The following BRCA1 variants were observed in gnomAD, a reference collection of about 807,000 sequenced individuals.
BRCA1 encodes BRCA1 DNA repair associated.
BRCA1 carries 140 observed loss-of-function variants against 173.7 expected under a neutral mutation model. The observed-to-expected ratio is 0.81, with a 90% CI of 0.70 to 0.93. The LOEUF is 0.93. Ranked by LOEUF, BRCA1 falls within the 40% of genes least tolerant of loss-of-function variation. BRCA1 has a pLI of 0.00. For synonymous variants in BRCA1, 662 were observed against 756.0 expected, an observed-to-expected ratio of 0.88 and a Z score of 2.04; for missense variants, 1,983 against 2,172.5, an observed-to-expected ratio of 0.91 and a Z score of 1.73.
At chr17:43,168,459 G>T (rs767548141) in intron 1 of BRCA1, among the ~76,000 whole-genome samples, 27 of 152,164 alleles carry the variant, frequency 1.8e-4, no homozygotes, top group Non-Finnish European at 3.7e-4. Flanking sequence ...CCAATACGGA[G>T]AAACCTCGTT....
intron 4 of BRCA1, among the ~76,000 whole-genome samples, chr17:43,105,381 G>A (rs1463521450): frequency 6.6e-6 from 1 of 152,014 alleles, no homozygotes; most frequent in Non-Finnish European, 1.5e-5. Flanking sequence ...CTAGGACTAT[G>A]GGCATATGCC....
At chr17:43,061,585 C>CTT (rs869125411) in intron 18 of BRCA1, among the ~76,000 whole-genome samples, 16 of 142,586 alleles carry the variant, frequency 1.1e-4, no homozygotes, top group Non-Finnish European at 1.8e-4. Flanking sequence ...TATAAAATTA[C>CTT]TTTTTTTTTT....
chr17:43,135,490 T>A (rs969970648), intron 1 of BRCA1, among the ~76,000 whole-genome samples: 1 of 152,190 alleles, frequency 6.6e-6, no homozygotes, highest in African/African-American at 2.4e-5. Context: ...ATAAGGAGCT[T>A]ATTGAGCTAT....
At chr17:43,118,376 T>C (rs2055391852) in intron 2 of BRCA1, among the ~76,000 whole-genome samples, 1 of 152,102 alleles carries the variant, frequency 6.6e-6, no homozygotes, top group African/African-American at 2.4e-5. Context: ...CTGGTCTTTT[T>C]AATTTTCTTT....
intron 22 of BRCA1, among the ~76,000 whole-genome samples, chr17:43,046,222 CTTTTTTTTTTTTTTTT>C: frequency 1.5e-5 from 1 of 68,348 alleles, no homozygotes; most frequent in African/African-American, 7.4e-5. Flanking sequence ...TGCACCTGGC[CTTTTTTTTTTTTTTTT>C]TTTTTTTTTG....
At position 43,146,726 on chromosome 17, in the gene BRCA1, C is replaced by A. The variant is rs558932775; in HGVS notation, c.-19-22611G>T. ...GAAAAATAAGTAATTTTACAGGAGG[C>A]CTGAGGTGGGCTAGGGTCACTCTGT... On this transcript the variant is annotated intron_variant, in intron 1 of 7. Coordinates refer to the BRCA1 transcript ENST00000634433. Among the ~76,000 whole-genome samples, 12 of 152,200 alleles carry A rather than the reference C, an allele frequency of 7.9e-5. No individual in the cohort carries two copies. The East Asian group carries it at 2.3e-3, about 29-fold the overall frequency.
At chr17:43,136,916 C>T (rs1369766047) in intron 1 of BRCA1, among the ~76,000 whole-genome samples, 8 of 152,082 alleles carry the variant, frequency 5.3e-5, no homozygotes, top group Non-Finnish European at 1.0e-4. Context: ...TTTGACCCAG[C>T]GATCCCATTA....
At chr17:43,064,634 T>C (rs548929885) in intron 16 of BRCA1, among the ~76,000 whole-genome samples, 1 of 152,254 alleles carries the variant, frequency 6.6e-6, no homozygotes, top group African/African-American at 2.4e-5. Context: ...CAGCAGGCTA[T>C]CTGCAAGCAG....
At chr17:43,109,260 G>C (rs550721308) in intron 3 of BRCA1, among the ~76,000 whole-genome samples, 97 of 152,218 alleles carry the variant, frequency 6.4e-4, no homozygotes, top group African/African-American at 2.2e-3. Flanking sequence ...GCATCCCAAC[G>C]TGCTGGGATT....
At chr17:43,049,765 G>A (rs1328118846) in intron 20 of BRCA1, among the ~76,000 whole-genome samples, 1 of 152,218 alleles carries the variant, frequency 6.6e-6, no homozygotes, top group Non-Finnish European at 1.5e-5. Context: ...AGAAGAGACT[G>A]TGGAGATGCT....
rs1555580935 is a variant in BRCA1, at chr17:43,071,123, G to A, written c.4791C>T (p.Thr1597=). 6.2e-7 allele frequency: 1 copy of A among 1,614,212 alleles called. No homozygotes were observed. The highest frequency in any genetic ancestry group is 1.1e-5 in the South Asian group (1 of 91,086). The change falls in exon 15 of 23, where the codon ACC becomes ACT. Residue 1597 remains threonine (T), a synonymous_variant. Transcript: ENST00000357654. ...SARVGNIPSS[T]SALKVPQLKV... ...TCAATTGGGGAACTTTCAATGCAGA[G>A]GTTGAAGATGGTATGTTGCCAACAC...
At chr17:43,080,634 G>A (rs1159642784) in intron 12 of BRCA1, among the ~76,000 whole-genome samples, 2 of 151,904 alleles carry the variant, frequency 1.3e-5, no homozygotes, top group Admixed American at 6.6e-5. Flanking sequence ...GGGAGACCTT[G>A]TCTCTACAAA....
At chr17:43,051,569 C>T (rs1336744182) in intron 19 of BRCA1, among the ~76,000 whole-genome samples, 6 of 151,872 alleles carry the variant, frequency 4.0e-5, no homozygotes, top group Non-Finnish European at 7.4e-5. Context: ...ACCTCAAGTA[C>T]TCACTATGAC....
intron 6 of BRCA1, among the ~76,000 whole-genome samples, chr17:43,103,265 G>C (rs913552844): frequency 6.6e-6 from 1 of 151,890 alleles, no homozygotes; most frequent in Non-Finnish European, 1.5e-5. Context: ...TCAGGAGTTC[G>C]AGACCAGCCT....
intron 1 of BRCA1, among the ~76,000 whole-genome samples, chr17:43,151,305 G>C (rs955473435): frequency 6.6e-6 from 1 of 152,182 alleles, no homozygotes; most frequent in African/African-American, 2.4e-5. Flanking sequence ...TATATGAAGT[G>C]TGGTGGCTCA....
At chr17:43,127,107 C>T (rs565423930), upstream of BRCA1, among the ~76,000 whole-genome samples, 10 of 152,356 alleles carry the variant, frequency 6.6e-5, no homozygotes, top group Admixed American at 5.2e-4. Flanking sequence ...CCCTCCCAAC[C>T]CCTGTGAGCT....
chr17:43,067,941 C>T (rs1272004040), intron 15 of BRCA1, among the ~76,000 whole-genome samples: 1 of 131,264 alleles, frequency 7.6e-6, no homozygotes, highest in Non-Finnish European at 1.6e-5. Flanking sequence ...AGCTTTAAGT[C>T]TCTGTTTTTC....
At chr17:43,090,808 G>A (rs1369392659) in intron 11 of BRCA1, 136 bp downstream of exon 11, 4 of 859,718 alleles carry the variant, frequency 4.7e-6, no homozygotes, top group Non-Finnish European at 7.6e-6. Context: ...TCTAATTTAA[G>A]GAGACAATGA....
chr17:43,072,318 G>A (rs1248141779), intron 14 of BRCA1, among the ~76,000 whole-genome samples: 1 of 151,796 alleles, frequency 6.6e-6, no homozygotes, highest in African/African-American at 2.4e-5. Context: ...GAACCCAGGA[G>A]GCGGAGGTTG....
Sources: gnomAD v4.1 joint callset for allele counts (sites outside exome capture counted in the v4.1 genomes callset) on GRCh38, gnomAD v4.1.1 for gene constraint, MANE v1.5 for transcripts, NCBI Gene and HGNC (gene_info 2026-07-23, HGNC 2026-07-21) for gene names.